TACR3: variants seen among roughly 807,000 people sequenced by gnomAD.
The protein encoded by TACR3 is tachykinin receptor 3.
A neutral mutation model predicts 35.0 loss-of-function variants in TACR3; 34 were observed. The ratio of observed to expected loss-of-function variants is 0.97; its 90% CI spans 0.74 to 1.30. The LOEUF (loss-of-function observed/expected upper bound fraction) is 1.30. TACR3 is among the 50% of genes most tolerant of loss of function. TACR3 has a pLI of 0.00. For synonymous variants in TACR3, 233 were observed against 221.1 expected (o/e 1.05, Z -0.48); for missense variants, 558 against 591.7 (o/e 0.94, Z 0.59).
rs71580414 is a variant in TACR3 at position 103,614,884 on chromosome 4, G to GTTTTTTTTTTTTTTTTTTTTTTT, written c.889-23224_889-23202dup. On this transcript the variant is annotated intron_variant, in intron 3 of 4. Coordinates refer to ENST00000304883, the MANE Select transcript of TACR3 (RefSeq NM_001059.3). ...TATAACCTAAGTTGATTATGAATGT[G>GTTTTTTTTTTTTTTTTTTTTTTT]TTTTTTTTTTTTTTTTTTTTTTTTT... Among the ~76,000 whole-genome samples the GTTTTTTTTTTTTTTTTTTTTTTT allele has an allele frequency of 6.7e-4, 48 of 72,054 alleles. 8 individuals are homozygous for GTTTTTTTTTTTTTTTTTTTTTTT. The highest frequency in any genetic ancestry group is 8.8e-4 in the Non-Finnish European group (34 of 38,624). The allele number at this position is 72,054 out of a possible 152,430, so 47.3% of individuals were successfully genotyped here. A position where few individuals can be genotyped will look rare whatever the true frequency, so the allele number is the denominator to read the frequency against.
intron 1 of TACR3, among the ~76,000 whole-genome samples, chr4:103,691,283 T>G (rs145550981): frequency 6.6e-6 from 1 of 152,260 alleles, no homozygotes; most frequent in East Asian, 1.9e-4. Context: ...AACAAACTCT[T>G]GATACACGGA....
intron 4 of TACR3, among the ~76,000 whole-genome samples, chr4:103,590,384 A>G (rs1366129762): frequency 6.6e-6 from 1 of 152,208 alleles, no homozygotes; most frequent in Non-Finnish European, 1.5e-5. Context: ...AAAATGATAT[A>G]TTTCAAAATA....
At chr4:103,693,777 T>C (rs1163134150) in intron 1 of TACR3, among the ~76,000 whole-genome samples, 2 of 151,740 alleles carry the variant, frequency 1.3e-5, no homozygotes, top group African/African-American at 2.4e-5. Context: ...TCAATGTTTT[T>C]CCCTGTATTC....
At chr4:103,598,288 T>G (rs951414312) in intron 3 of TACR3, among the ~76,000 whole-genome samples, 1 of 152,332 alleles carries the variant, frequency 6.6e-6, no homozygotes, top group African/African-American at 2.4e-5. Flanking sequence ...TCGCCCACTT[T>G]TTGATGAGGT....
In TACR3 at chr4:103,719,684, G is replaced by T. The variant is rs1038051029; in HGVS notation, c.-9C>A. 2 of 1,607,228 alleles carry T rather than the reference G, an allele frequency of 1.2e-6. No homozygotes were observed. Among genetic ancestry groups the T allele is most frequent in the African/African-American group, 1.3e-5 (1 of 74,906 alleles). On this transcript the variant is annotated 5_prime_UTR_variant, in exon 1 of 5. Coordinates refer to ENST00000304883, the MANE Select transcript of TACR3 (RefSeq NM_001059.3). ...GCTGGGAGAGTGGCCATCGCCACCG[G>T]TCTGCAGTCCCGGACCCTCCCACTC...
At chr4:103,647,445 A>C (rs1725487160) in intron 3 of TACR3, among the ~76,000 whole-genome samples, 1 of 151,926 alleles carries the variant, frequency 6.6e-6, no homozygotes, top group African/African-American at 2.4e-5. Flanking sequence ...ATGTTAAGAA[A>C]GCATTCTCTC....
intron 3 of TACR3, among the ~76,000 whole-genome samples, chr4:103,646,509 AG>A (rs1725458139): frequency 6.6e-6 from 1 of 152,002 alleles, no homozygotes; most frequent in Admixed American, 6.6e-5. Context: ...GCTGTTGATT[AG>A]TATAATTTAT....
chr4:103,701,441 G>A (rs1040524009), intron 1 of TACR3, among the ~76,000 whole-genome samples: 1 of 151,990 alleles, frequency 6.6e-6, no homozygotes, highest in African/African-American at 2.4e-5. Context: ...TCATGGGTAG[G>A]AAGAATCAAT....
At chr4:103,600,427 T>C (rs59879879) in intron 3 of TACR3, among the ~76,000 whole-genome samples, 5,135 of 152,218 alleles carry the variant, frequency 0.034, 321 homozygotes, top group African/African-American at 0.12. Context: ...GATTCATTAA[T>C]CTTTTGAAGG....
intron 3 of TACR3, among the ~76,000 whole-genome samples, chr4:103,621,420 A>G (rs770878188): frequency 6.6e-6 from 1 of 152,208 alleles, no homozygotes; most frequent in Non-Finnish European, 1.5e-5. Flanking sequence ...TAATAAGGGT[A>G]TTCATAAATT....
chr4:103,705,706 G>C (rs1722772407), intron 1 of TACR3, among the ~76,000 whole-genome samples: 1 of 152,134 alleles, frequency 6.6e-6, no homozygotes, highest in Admixed American at 6.5e-5. Flanking sequence ...AGTACATTTA[G>C]CTAATGAGGA....
At chr4:103,681,149 C>T (rs1722078114) in intron 1 of TACR3, among the ~76,000 whole-genome samples, 1 of 151,710 alleles carries the variant, frequency 6.6e-6, no homozygotes, top group African/African-American at 2.4e-5. Context: ...AAATATTTAC[C>T]AAATTCAAGA....
chr4:103,623,612 AC>A, intron 3 of TACR3, among the ~76,000 whole-genome samples: 1 of 152,220 alleles, frequency 6.6e-6, no homozygotes, highest in African/African-American at 2.4e-5. Context: ...CTTGCCCAAG[AC>A]TGCCTAAATC....
intron 1 of TACR3, among the ~76,000 whole-genome samples, chr4:103,672,891 A>G (rs780501356): frequency 6.6e-6 from 1 of 152,204 alleles, no homozygotes; most frequent in Non-Finnish European, 1.5e-5. Flanking sequence ...GATCTTAACT[A>G]GGTCCTTTAG....
At chr4:103,671,573 T>C (rs1189451484) in intron 1 of TACR3, among the ~76,000 whole-genome samples, 1 of 151,984 alleles carries the variant, frequency 6.6e-6, no homozygotes, top group Non-Finnish European at 1.5e-5. Flanking sequence ...ATTTATTGGC[T>C]TATAGTTGCA....
At chr4:103,603,771 T>G (rs1334439224) in intron 3 of TACR3, among the ~76,000 whole-genome samples, 1 of 152,206 alleles carries the variant, frequency 6.6e-6, no homozygotes, top group Non-Finnish European at 1.5e-5. Flanking sequence ...AAGGTTGAAC[T>G]AATTTATATT....
At chr4:103,666,888 A>G (rs1423261177) in intron 1 of TACR3, among the ~76,000 whole-genome samples, 2 of 152,186 alleles carry the variant, frequency 1.3e-5, no homozygotes, top group Non-Finnish European at 2.9e-5. Context: ...ATATTGTCTC[A>G]AAAACCACTT....
chr4:103,604,444 A>G (rs1172643805), intron 3 of TACR3, among the ~76,000 whole-genome samples: 1 of 152,214 alleles, frequency 6.6e-6, no homozygotes. Context: ...ACCCTAGAAG[A>G]AAACCTAGGC....
At chr4:103,710,156 C>T (rs965714398) in intron 1 of TACR3, among the ~76,000 whole-genome samples, 20 of 152,164 alleles carry the variant, frequency 1.3e-4, no homozygotes, top group Admixed American at 1.3e-4. Context: ...ACCAAGTGGA[C>T]CTAATAGACA....
Sources: gnomAD v4.1 joint callset for allele counts (sites outside exome capture counted in the v4.1 genomes callset) on GRCh38, gnomAD v4.1.1 for gene constraint, MANE v1.5 for transcripts, NCBI Gene and HGNC (gene_info 2026-07-23, HGNC 2026-07-21) for gene names.